The following CTNND2 variants were observed in gnomAD, a reference collection of about 807,000 sequenced individuals.
CTNND2 encodes catenin delta-2.
A neutral mutation model predicts 144.4 loss-of-function variants in CTNND2; 22 were observed. The ratio of observed to expected loss-of-function variants is 0.15; its 90% CI spans 0.11 to 0.22. CTNND2 has a LOEUF of 0.22. Ranked by LOEUF, CTNND2 falls within the 10% of genes least tolerant of loss-of-function variation. The pLI, the probability that CTNND2 is intolerant of heterozygous loss-of-function variation, is 1.00. For synonymous variants in CTNND2, 751 were observed against 695.6 expected, an observed-to-expected ratio of 1.08 and a Z score of -1.25; for missense variants, 1,353 against 1,618.8, an observed-to-expected ratio of 0.84 and a Z score of 2.82.
intron 2 of CTNND2, among the ~76,000 whole-genome samples, chr5:11,581,863 G>A (rs1055011041): frequency 1.3e-5 from 2 of 152,216 alleles, no homozygotes; most frequent in Non-Finnish European, 2.9e-5. Context: ...GGCATGGGAA[G>A]GGGAAGGGAC....
intron 18 of CTNND2, among the ~76,000 whole-genome samples, chr5:11,011,203 A>G (rs1561167734): frequency 6.6e-6 from 1 of 152,028 alleles, no homozygotes; most frequent in Non-Finnish European, 1.5e-5. Flanking sequence ...GGAACTATGG[A>G]TTTTATTTAT....
At chr5:11,791,517 T>C (rs563614486) in intron 1 of CTNND2, among the ~76,000 whole-genome samples, 144 of 152,326 alleles carry the variant, frequency 9.5e-4, no homozygotes, top group Non-Finnish European at 1.9e-3. Flanking sequence ...TGGCTACTTA[T>C]GTTGAAGATT....
At chr5:11,568,320 G>A (rs145406786) in intron 2 of CTNND2, among the ~76,000 whole-genome samples, 1 of 152,280 alleles carries the variant, frequency 6.6e-6, no homozygotes, top group Non-Finnish European at 1.5e-5. Flanking sequence ...TAACTACTGA[G>A]ACCCTGCTAG....
At chr5:11,746,004 T>C (rs1308149860) in intron 1 of CTNND2, among the ~76,000 whole-genome samples, 1 of 152,190 alleles carries the variant, frequency 6.6e-6, no homozygotes, top group Non-Finnish European at 1.5e-5. Flanking sequence ...ACCCACTAAA[T>C]TAATGGATAC....
intron 1 of CTNND2, among the ~76,000 whole-genome samples, chr5:11,812,005 T>C (rs1223207331): frequency 1.3e-5 from 2 of 152,222 alleles, no homozygotes; most frequent in Non-Finnish European, 2.9e-5. Context: ...ATACTGCCAC[T>C]GTAACATAAT....
chr5:11,674,388 C>A (rs1332203378), intron 2 of CTNND2, among the ~76,000 whole-genome samples: 2 of 152,158 alleles, frequency 1.3e-5, no homozygotes, highest in Non-Finnish European at 2.9e-5. Flanking sequence ...TTTAGGTTCA[C>A]AGCAAAGCTA....
At chr5:11,146,538 G>A (rs1241412077) in intron 12 of CTNND2, among the ~76,000 whole-genome samples, 10 of 152,196 alleles carry the variant, frequency 6.6e-5, no homozygotes, top group Non-Finnish European at 1.2e-4. Context: ...TATCATTTAT[G>A]ATGCTATCCT....
chr5:11,333,730 T>C (rs1284807736), intron 9 of CTNND2, among the ~76,000 whole-genome samples: 2 of 152,160 alleles, frequency 1.3e-5, no homozygotes, highest in Non-Finnish European at 2.9e-5. Flanking sequence ...ATCCAAAGGC[T>C]CTACTGACCC....
intron 3 of CTNND2, among the ~76,000 whole-genome samples, chr5:11,511,660 T>C (rs547471458): frequency 6.6e-6 from 1 of 152,300 alleles, no homozygotes; most frequent in South Asian, 2.1e-4. Context: ...TTCCCCTTTA[T>C]ATGTCAAGCT....
chr5:11,737,713 G>A (rs940074542), intron 1 of CTNND2, among the ~76,000 whole-genome samples: 3 of 152,118 alleles, frequency 2.0e-5, no homozygotes, highest in African/African-American at 7.2e-5. Context: ...CCTTTAGGGA[G>A]GTGATTAAGG....
At chr5:11,107,761 G>A (rs1157507513) in intron 14 of CTNND2, among the ~76,000 whole-genome samples, 1 of 152,198 alleles carries the variant, frequency 6.6e-6, no homozygotes, top group African/African-American at 2.4e-5. Flanking sequence ...AGAGGCTGGG[G>A]AACAGCTCAA....
rs200365398 is a variant in CTNND2, at chr5:11,848,212, GA to G, written c.37+55604del. Among the ~76,000 whole-genome samples the G allele has an allele frequency of 6.7e-4, 102 of 151,864 alleles. 1 individual carries two copies. The East Asian group carries it at 0.013, about 20-fold the overall frequency. ...TTTAAACATTGCTACATTTTATGGG[GA>G]AAAAATTATAACCTGGTCTAAAAAA... On this transcript the variant is annotated intron_variant, in intron 1 of 21. Coordinates refer to ENST00000304623, the MANE Select transcript of CTNND2 (RefSeq NM_001332.4).
intron 9 of CTNND2, among the ~76,000 whole-genome samples, chr5:11,267,608 C>T (rs1745582104): frequency 6.6e-6 from 1 of 152,162 alleles, no homozygotes; most frequent in African/African-American, 2.4e-5. Context: ...TTTGCCCAGC[C>T]CTGAAATGGC....
At chr5:11,512,091 C>T (rs1450988917) in intron 3 of CTNND2, among the ~76,000 whole-genome samples, 1 of 152,136 alleles carries the variant, frequency 6.6e-6, no homozygotes, top group Non-Finnish European at 1.5e-5. Flanking sequence ...TCCCTCATTC[C>T]CCAACCAATA....
chr5:11,640,288 T>C (rs1781933347), intron 2 of CTNND2, among the ~76,000 whole-genome samples: 1 of 152,226 alleles, frequency 6.6e-6, no homozygotes, highest in South Asian at 2.1e-4. Context: ...ATAAATTACA[T>C]GGAGTTGCAG....
chr5:11,708,292 T>G lies in CTNND2; in HGVS notation c.174+23844A>C, dbSNP rs574055436. Among the ~76,000 whole-genome samples, 5 of 152,230 alleles carry G rather than the reference T, an allele frequency of 3.3e-5. No individual in the cohort carries two copies. In the South Asian group the frequency reaches 1.0e-3, roughly 32 times the overall value. On this transcript the variant is annotated intron_variant, in intron 2 of 21. Coordinates refer to ENST00000304623, the MANE Select transcript of CTNND2 (RefSeq NM_001332.4). ...CCCATTGCAGAGTAATAAATTGTAT[T>G]TAATTTTTACTATAATATATAATGT...
intron 7 of CTNND2, among the ~76,000 whole-genome samples, chr5:11,376,313 T>TGG (rs1757927695): frequency 9.7e-6 from 1 of 102,572 alleles, no homozygotes; most frequent in African/African-American, 3.4e-5. Context: ...TGAATGCCTT[T>TGG]GTGTGTGTGT....
chr5:11,263,646 C>T (rs902795458), intron 9 of CTNND2, among the ~76,000 whole-genome samples: 3 of 152,118 alleles, frequency 2.0e-5, no homozygotes, highest in Non-Finnish European at 2.9e-5. Flanking sequence ...GCACCATGAA[C>T]CACTTGTAAA....
At chr5:11,569,766 G>A (rs1777414297) in intron 2 of CTNND2, among the ~76,000 whole-genome samples, 1 of 152,112 alleles carries the variant, frequency 6.6e-6, no homozygotes, top group Admixed American at 6.5e-5. Flanking sequence ...CTAAATGCCT[G>A]TGTCTCCATC....
Sources: allele counts gnomAD v4.1 joint callset (sites outside exome capture counted in the v4.1 genomes callset), GRCh38; gene constraint gnomAD v4.1.1; transcripts MANE v1.5; gene names NCBI Gene and HGNC (gene_info 2026-07-23, HGNC 2026-07-21).